COL10A1: variants seen among roughly 807,000 people sequenced by gnomAD.
The protein encoded by COL10A1 is collagen type X alpha 1 chain.
A neutral mutation model predicts 18.2 loss-of-function variants in COL10A1; 10 were observed. That is an observed-to-expected ratio of 0.55 (90% CI 0.34 to 0.93). The LOEUF is 0.93. Among genes scored for constraint, COL10A1 ranks in the 40% least tolerant of loss-of-function variants. The pLI, the probability that COL10A1 is intolerant of heterozygous loss-of-function variation, is 0.02. For synonymous variants in COL10A1, 330 were observed against 316.6 expected (o/e 1.04, Z -0.45); for missense variants, 897 against 853.5 (o/e 1.05, Z -0.64).
the COL10A1 span, among the ~76,000 whole-genome samples, chr6:116,202,198 G>T: frequency 6.6e-6 from 1 of 151,962 alleles, no homozygotes; most frequent in South Asian, 2.1e-4. Context: ...ATGTGATGCA[G>T]GCTCCCCTAC....
the COL10A1 span, among the ~76,000 whole-genome samples, chr6:116,167,647 C>G: frequency 1.3e-5 from 2 of 152,050 alleles, no homozygotes; most frequent in African/African-American, 4.8e-5. Context: ...CCCTTCTACC[C>G]TTCGTTAGTT....
the COL10A1 span, among the ~76,000 whole-genome samples, chr6:116,212,447 G>A: frequency 6.6e-6 from 1 of 152,048 alleles, no homozygotes; most frequent in African/African-American, 2.4e-5. Flanking sequence ...GTAATCCTTT[G>A]TGATTATAAT....
upstream of COL10A1, among the ~76,000 whole-genome samples, chr6:116,130,719 A>G (rs1303699981): frequency 6.6e-6 from 1 of 152,090 alleles, no homozygotes; most frequent in Non-Finnish European, 1.5e-5. Flanking sequence ...ATTCAGGACC[A>G]CAGGTGTTTA....
chr6:116,141,601 A>G (rs75227405), intron 1 of COL10A1, among the ~76,000 whole-genome samples: 4,443 of 152,128 alleles, frequency 0.029, 243 homozygotes, highest in African/African-American at 0.1. Flanking sequence ...TTCTAATGGA[A>G]TTAGTTGACC....
chr6:116,175,423 C>T, the COL10A1 span, among the ~76,000 whole-genome samples: 2 of 152,138 alleles, frequency 1.3e-5, no homozygotes, highest in African/African-American at 4.8e-5. Flanking sequence ...GAGTATTTAT[C>T]TCACTGAACT....
the COL10A1 span, among the ~76,000 whole-genome samples, chr6:116,170,470 C>T: frequency 6.6e-6 from 1 of 152,088 alleles, no homozygotes; most frequent in African/African-American, 2.4e-5. Flanking sequence ...ACCATTTTCT[C>T]ATAGAAATGG....
chr6:116,208,790 A>C, the COL10A1 span, among the ~76,000 whole-genome samples: 1 of 152,010 alleles, frequency 6.6e-6, no homozygotes, highest in South Asian at 2.1e-4. Flanking sequence ...AAAGTGTGCT[A>C]AAATCATAAA....
the COL10A1 span, among the ~76,000 whole-genome samples, chr6:116,203,156 C>T: frequency 6.6e-6 from 1 of 152,040 alleles, no homozygotes; most frequent in African/African-American, 2.4e-5. Context: ...GGTTGCTTTT[C>T]TATACTAAAC....
At chr6:116,188,698 A>G in the COL10A1 span, among the ~76,000 whole-genome samples, 1 of 128,164 alleles carries the variant, frequency 7.8e-6, no homozygotes, top group Non-Finnish European at 1.6e-5. Context: ...TATCCTGGAA[A>G]TTTTCTACTT....
intron 1 of COL10A1, among the ~76,000 whole-genome samples, chr6:116,151,363 G>A (rs777377649): frequency 2.0e-5 from 3 of 152,118 alleles, no homozygotes; most frequent in Non-Finnish European, 4.4e-5. Flanking sequence ...TCTCAAAATT[G>A]TACAGGAAGA....
chr6:116,155,479 G>C (rs1056763655), intron 1 of COL10A1, among the ~76,000 whole-genome samples: 1 of 152,058 alleles, frequency 6.6e-6, no homozygotes. Flanking sequence ...CGTATTTTAA[G>C]AATATCATGT....
At chr6:116,152,562 A>G (rs1780071723) in intron 1 of COL10A1, among the ~76,000 whole-genome samples, 1 of 152,128 alleles carries the variant, frequency 6.6e-6, no homozygotes, top group Non-Finnish European at 1.5e-5. Context: ...ATTCCCCTCT[A>G]TCTCACATGG....
chr6:116,152,712 A>G (rs559194152), intron 1 of COL10A1, among the ~76,000 whole-genome samples: 1 of 152,076 alleles, frequency 6.6e-6, no homozygotes, highest in African/African-American at 2.4e-5. Context: ...CCATCTTTTT[A>G]CAGCCATACT....
At chr6:116,191,556 T>G in the COL10A1 span, among the ~76,000 whole-genome samples, 1 of 152,070 alleles carries the variant, frequency 6.6e-6, no homozygotes, top group Non-Finnish European at 1.5e-5. Context: ...TGTAATAAAT[T>G]ATACCTTAAA....
the COL10A1 span, among the ~76,000 whole-genome samples, chr6:116,216,180 T>C: frequency 6.6e-6 from 1 of 152,138 alleles, no homozygotes; most frequent in Non-Finnish European, 1.5e-5. Context: ...TATTATTTGT[T>C]GATTACCTAA....
chr6:116,189,906 T>G, the COL10A1 span, among the ~76,000 whole-genome samples: 1 of 152,048 alleles, frequency 6.6e-6, no homozygotes, highest in Non-Finnish European at 1.5e-5. Flanking sequence ...ATGTATGTTT[T>G]TGCCTTTTAA....
chr6:116,163,143 T>A (rs963545911), upstream of COL10A1, among the ~76,000 whole-genome samples: 13,313 of 77,676 alleles, frequency 0.17, 839 homozygotes, highest in African/African-American at 0.24. Context: ...AAAAAAAAAA[T>A]ATATATATAT....
intron 1 of COL10A1, among the ~76,000 whole-genome samples, chr6:116,132,095 T>G (rs1779482995): frequency 6.6e-6 from 1 of 152,212 alleles, no homozygotes; most frequent in Non-Finnish European, 1.5e-5. Context: ...TTTAGGTTGA[T>G]TCCATGTCTT....
intron 1 of COL10A1, among the ~76,000 whole-genome samples, chr6:116,150,202 T>C (rs183942097): frequency 1.3e-5 from 2 of 152,358 alleles, no homozygotes; most frequent in East Asian, 3.9e-4. Context: ...AACATTACTA[T>C]GGCTTTCACA....
Sources: gnomAD v4.1 joint callset for allele counts (sites outside exome capture counted in the v4.1 genomes callset) on GRCh38, gnomAD v4.1.1 for gene constraint, MANE v1.5 for transcripts, NCBI Gene and HGNC (gene_info 2026-07-23, HGNC 2026-07-21) for gene names.